MYO10: variants seen among roughly 807,000 people sequenced by gnomAD.
MYO10 encodes the protein myosin X.
Under a neutral mutation model 257.3 loss-of-function variants are expected in MYO10, and 133 were observed. The observed-to-expected ratio is 0.52, with a 90% confidence interval of 0.45 to 0.60. The LOEUF (loss-of-function observed/expected upper bound fraction) is 0.60. Ranked by LOEUF, MYO10 falls within the 20% of genes least tolerant of loss-of-function variation. The pLI is 0.00. For missense variants in MYO10, 2,399 were observed against 2,635.7 expected, an observed-to-expected ratio of 0.91 and a Z score of 1.97; for synonymous variants, 1,104 against 1,028.6, an observed-to-expected ratio of 1.07 and a Z score of -1.40.
At chr5:16,685,345 G>C (rs1579821854) in intron 29 of MYO10, among the ~76,000 whole-genome samples, 1 of 152,030 alleles carries the variant, frequency 6.6e-6, no homozygotes. Flanking sequence ...CAAGTAGCTG[G>C]GACTACAGGC....
At chr5:16,792,561 C>A (rs1432023135) in intron 4 of MYO10, among the ~76,000 whole-genome samples, 1 of 143,738 alleles carries the variant, frequency 7.0e-6, no homozygotes. Flanking sequence ...CCTCCCCCAA[C>A]CCCAGTCCCT....
intron 1 of MYO10, among the ~76,000 whole-genome samples, chr5:16,890,748 G>A (rs34997385): frequency 0.017 from 2,505 of 151,818 alleles, 155 homozygotes; most frequent in African/African-American, 0.054. Context: ...GCTGAGACAG[G>A]AGAATCACTT....
chr5:16,881,089 T>C (rs1364944636), intron 1 of MYO10, among the ~76,000 whole-genome samples: 1 of 152,224 alleles, frequency 6.6e-6, no homozygotes, highest in Non-Finnish European at 1.5e-5. Flanking sequence ...TAACTCCCAG[T>C]GTAACTCCAA....
intron 2 of MYO10, among the ~76,000 whole-genome samples, chr5:16,860,810 C>T (rs1744085960): frequency 6.7e-6 from 1 of 149,936 alleles, no homozygotes; most frequent in Admixed American, 6.6e-5. Context: ...CAAATCAACG[C>T]AAGCACCGAA....
Position 16,818,026 on chromosome 5 carries a change from T to G in MYO10, c.262A>C (p.Lys88Gln). Residue 88 changes from lysine (K) to glutamine (Q), a missense_variant, in exon 3 of 41, where the codon AAG (lysine) becomes CAG (glutamine). Around this residue, in one of 3 missense-constraint regions of MYO10, gnomAD observed 242 missense variants for 249.5 expected, o/e 0.97. Coordinates refer to ENST00000513610, the MANE Select transcript of MYO10 (RefSeq NM_012334.3). ...GAACTTACATATATTTGATTTCTCT[T>G]ATACCGCTGGAATAAGTTATACATG... Reference protein sequence around the residue: ...SIMYNLFQRYKRNQIYTYIGS... With the variant: ...SIMYNLFQRYQRNQIYTYIGS... 1 of 1,587,516 alleles carries G rather than the reference T, an allele frequency of 6.3e-7. No homozygotes were observed. The highest frequency in any genetic ancestry group is 8.6e-7 in the Non-Finnish European group (1 of 1,163,640).
At chr5:16,742,106 A>G (rs1433440714) in intron 19 of MYO10, 2 of 985,302 alleles carry the variant, frequency 2.0e-6, no homozygotes, top group African/African-American at 1.7e-5. Flanking sequence ...TCAGGGCCCA[A>G]AGATTCTTGA....
In MYO10 at chr5:16,681,939, T is replaced by C; in HGVS notation, c.4121A>G (p.His1374Arg). 6.2e-7 allele frequency: 1 copy of C among 1,613,934 alleles called. No individual in the cohort carries two copies. The highest frequency in any genetic ancestry group is 1.3e-5 in the African/African-American group (1 of 75,022). ...GGACCTCTGCAGCAGGGTTATCCAG[T>C]GGTGCATCTCCTCCGGCGTGTCGGC... Reference protein sequence around the residue: ...CNADTPEEMHHWITLLQRSKG... With the variant: ...CNADTPEEMHRWITLLQRSKG... Residue 1374 changes from histidine (H) to arginine (R), a missense_variant, in exon 31 of 41, where the codon CAC becomes CGC. Physicochemically the swap from His to Arg is conservative, Grantham distance 29 (BLOSUM62 0). Transcript: ENST00000513610.
At chr5:16,820,968 AC>A (rs1364816030) in intron 2 of MYO10, among the ~76,000 whole-genome samples, 1 of 147,812 alleles carries the variant, frequency 6.8e-6, no homozygotes, top group African/African-American at 2.5e-5. Flanking sequence ...TACATATAAA[AC>A]ATCTTATATA....
rs140267322 is a variant in MYO10 at position 16,846,726 on chromosome 5, C to A, written c.121-28559G>T. Among the ~76,000 whole-genome samples, 86 of 152,330 alleles carry A rather than the reference C, an allele frequency of 5.6e-4. No individual in the cohort carries two copies. The East Asian group carries it at 0.014, about 25-fold the overall frequency. On this transcript the variant is annotated intron_variant, in intron 2 of 40. Transcript: ENST00000513610. ...TAAGTATTTACAACATCGGACACAT[C>A]CCTAAGCAGGCTCATACATTCCCTC...
chr5:16,933,726 C>T (rs1395025625), intron 1 of MYO10, among the ~76,000 whole-genome samples: 3 of 152,170 alleles, frequency 2.0e-5, no homozygotes, highest in African/African-American at 7.2e-5. Flanking sequence ...GAGCTGGGAT[C>T]TATGTTAAGA....
intron 28 of MYO10, among the ~76,000 whole-genome samples, chr5:16,687,967 T>C (rs1459733674): frequency 6.6e-6 from 1 of 152,234 alleles, no homozygotes; most frequent in Non-Finnish European, 1.5e-5. Flanking sequence ...AAGTATAACT[T>C]GGAATCTGAA....
At chr5:16,775,307 A>G (rs1381562002) in intron 9 of MYO10, among the ~76,000 whole-genome samples, 1 of 152,192 alleles carries the variant, frequency 6.6e-6, no homozygotes. Flanking sequence ...TTTTTATATT[A>G]ATGTTTATTG....
chr5:16,705,333 G>C (rs1477235596), intron 21 of MYO10, among the ~76,000 whole-genome samples: 1 of 152,184 alleles, frequency 6.6e-6, no homozygotes, highest in Non-Finnish European at 1.5e-5. Context: ...AGTGGAATCA[G>C]GACTAAATAA....
intron 2 of MYO10, among the ~76,000 whole-genome samples, chr5:16,861,596 A>C (rs1744110942): frequency 6.6e-6 from 1 of 152,134 alleles, no homozygotes; most frequent in African/African-American, 2.4e-5. Context: ...AAGCTATTGC[A>C]AAGTAGGGGT....
chr5:16,835,683 G>A (rs1231458304), intron 2 of MYO10, among the ~76,000 whole-genome samples: 1 of 151,026 alleles, frequency 6.6e-6, no homozygotes, highest in African/African-American at 2.4e-5. Context: ...CCACTATCAA[G>A]GAAATCTGTA....
rs1002232419 is a variant in MYO10 at position 16,665,262 on chromosome 5, GT to G, written c.*1429del. On this transcript the variant is annotated 3_prime_UTR_variant, in exon 41 of 41. Coordinates refer to ENST00000513610, the MANE Select transcript of MYO10 (RefSeq NM_012334.3). ...AACAAAAATAAGCCTCCCCTCCATG[GT>G]TTTTAGAGCCTCCTCTGATAAAGGA... The G allele has an allele frequency of 8.6e-5, 13 of 151,348 alleles. No individual in the cohort carries two copies. Among genetic ancestry groups the G allele is most frequent in the African/African-American group, 3.2e-4 (13 of 41,254 alleles). The allele number at this position is 151,348 out of a possible 1,614,324, so 9.4% of individuals were successfully genotyped here.
intron 40 of MYO10, 120 bp downstream of exon 40, chr5:16,668,157 C>T (rs1021292193): frequency 8.2e-6 from 9 of 1,096,960 alleles, no homozygotes; most frequent in African/African-American, 6.3e-5. Flanking sequence ...ACTGTATTTT[C>T]GTGTTTTGAA....
At position 16,700,992 on chromosome 5, in the gene MYO10, G is replaced by A. The variant is rs772629567; in HGVS notation, c.3403C>T (p.Arg1135Trp). 7.1e-6 allele frequency: 11 copies of A among 1,559,376 alleles called. No homozygotes were observed. The highest frequency in any genetic ancestry group is 5.8e-5 in the Admixed American group (3 of 51,872). ...VGTYNSSGAY[R>W]FSSEGAQSSF... ...GACTGCGCCCCCTCAGAGCTGAACC[G>A]GTAGGCACCCGAGCTGTTGTAGGTC... Residue 1135 changes from arginine (R) to tryptophan (W), a missense_variant, in exon 25 of 41, where the codon CGG (arginine) becomes TGG (tryptophan). Physicochemically the swap from Arg to Trp is moderately radical, Grantham distance 101. Around this residue, in one of 3 missense-constraint regions of MYO10, gnomAD observed 1,820 missense variants for 1,939.4 expected, o/e 0.94. Transcript: ENST00000513610.
intron 4 of MYO10, among the ~76,000 whole-genome samples, 172 bp from the exon 5 acceptor site, chr5:16,783,641 C>T (rs574332040): frequency 6.6e-6 from 1 of 152,360 alleles, no homozygotes; most frequent in East Asian, 1.9e-4. Context: ...AAAGTCCTTT[C>T]TCCTGCTGGC....
Sources: gnomAD v4.1 joint callset for allele counts (sites outside exome capture counted in the v4.1 genomes callset) on GRCh38, gnomAD v4.1.1 for gene constraint, gnomAD v4.1.1 regional missense constraint, MANE v1.5 for transcripts, NCBI Gene and HGNC (gene_info 2026-07-23, HGNC 2026-07-21) for gene names.